ELP1: variants seen among roughly 807,000 people sequenced by gnomAD.
The protein encoded by ELP1 is elongator acetyltransferase complex subunit 1.
Under a neutral mutation model 183.2 loss-of-function variants are expected in ELP1, and 131 were observed. The ratio of observed to expected loss-of-function variants is 0.72; its 90% confidence interval spans 0.62 to 0.83. The LOEUF (loss-of-function observed/expected upper bound fraction) is 0.83, where lower values mean the gene tolerates loss of function less well. ELP1 is among the 40% of genes least tolerant of loss of function. ELP1 has a pLI of 0.00. For missense variants in ELP1, 1,550 were observed against 1,594.9 expected, an observed-to-expected ratio of 0.97 and a Z score of 0.48; for synonymous variants, 555 against 569.0, an observed-to-expected ratio of 0.98 and a Z score of 0.35.
At chr9:108,898,360 C>G in intron 22 of ELP1, 142 bp downstream of exon 22, 1 of 631,246 alleles carries the variant, frequency 1.6e-6, no homozygotes, top group Non-Finnish European at 2.8e-6. Flanking sequence ...GAGCAAAAAA[C>G]CAACTGGCAT....
intron 5 of ELP1, among the ~76,000 whole-genome samples, chr9:108,925,437 C>T (rs539863015): frequency 1.2e-4 from 18 of 152,292 alleles, no homozygotes; most frequent in Admixed American, 1.0e-3. Context: ...GACACATTCA[C>T]TTGCTTGGAC....
rs528729006 is a variant in ELP1 at position 108,902,766 on chromosome 9, C to T, written c.1854+73G>A. The T allele has an allele frequency of 2.3e-5, 26 of 1,132,570 alleles. No homozygotes were observed. In the East Asian group the frequency reaches 4.7e-4, roughly 20 times the overall value. The allele number at this position is 1,132,570 out of a possible 1,614,324, so 70.2% of individuals were successfully genotyped here. On this transcript the variant is annotated intron_variant, in intron 16 of 36. Coordinates refer to ENST00000374647, the MANE Select transcript of ELP1 (RefSeq NM_003640.5). The stretch of plus-strand genomic sequence containing the variant: ...GACCCAAGTCCACCTCCAAAGCCCA[C>T]GCTCTTTCTACTTAATGCCATCAGT...
chr9:108,905,643 G>T (rs771729213), intron 14 of ELP1, among the ~76,000 whole-genome samples: 1 of 152,042 alleles, frequency 6.6e-6, no homozygotes. Flanking sequence ...TTAACGATGG[G>T]GATACGTCTG....
At chr9:108,869,983 T>C (rs547245356) in intron 36 of ELP1, among the ~76,000 whole-genome samples, 1 of 152,182 alleles carries the variant, frequency 6.6e-6, no homozygotes, top group Non-Finnish European at 1.5e-5. Context: ...ACCTTTTTTT[T>C]TTCTTTTTTT....
chr9:108,908,980 G>A (rs958479973), intron 12 of ELP1, among the ~76,000 whole-genome samples: 37 of 152,018 alleles, frequency 2.4e-4, no homozygotes, highest in Non-Finnish European at 7.4e-5. Flanking sequence ...CAGGCACTTC[G>A]GTGGTTGCTT....
At chr9:108,913,682 C>G (rs1829318728) in intron 10 of ELP1, among the ~76,000 whole-genome samples, 1 of 152,114 alleles carries the variant, frequency 6.6e-6, no homozygotes. Flanking sequence ...GAGTCTCACT[C>G]TGTCACCCAT....
intron 6 of ELP1, 59 bp downstream of exon 6, chr9:108,922,783 T>C (rs1212438541): frequency 1.6e-6 from 2 of 1,284,704 alleles, no homozygotes; most frequent in Non-Finnish European, 1.1e-6. Flanking sequence ...GAGTTCCTGG[T>C]GGGTGGCAAA....
Position 108,891,413 on chromosome 9 carries a change from A to G in ELP1, c.2959-9T>C, listed in dbSNP as rs1395219994. ...TAAGCAATGCTGATATCCTGTGACA[A>G]GAGGAGATTTAGGACTGAGGAGGAA... On this transcript the variant is annotated splice_polypyrimidine_tract_variant and intron_variant, in intron 27 of 36. Transcript: ENST00000374647. 1 of 1,612,448 alleles carries G rather than the reference A, an allele frequency of 6.2e-7. No homozygotes were observed. The highest frequency in any genetic ancestry group is 1.3e-5 in the African/African-American group (1 of 74,892).
At chr9:108,894,337 G>A (rs1828459505) in intron 25 of ELP1, among the ~76,000 whole-genome samples, 1 of 152,034 alleles carries the variant, frequency 6.6e-6, no homozygotes, top group South Asian at 2.1e-4. Flanking sequence ...ACAAAATGTT[G>A]GCCCTCTGTA....
At chr9:108,901,738 A>T in intron 16 of ELP1, 57 bp from the exon 17 acceptor site, 1 of 1,502,816 alleles carries the variant, frequency 6.7e-7, no homozygotes, top group Non-Finnish European at 9.3e-7. Flanking sequence ...AGTTAAACCT[A>T]CCTTTTCTAT....
rs751366901 is a variant in ELP1 at position 108,869,074 on chromosome 9, G to A, written c.*41C>T. 1 of 1,558,798 alleles carries A rather than the reference G, an allele frequency of 6.4e-7. No homozygotes were observed. Among genetic ancestry groups the A allele is most frequent in the Non-Finnish European group, 8.9e-7 (1 of 1,129,396 alleles). On this transcript the variant is annotated 3_prime_UTR_variant, in exon 37 of 37. Coordinates refer to ENST00000374647, the MANE Select transcript of ELP1 (RefSeq NM_003640.5). The stretch of plus-strand genomic sequence containing the variant: ...GGTGGTAGGACAACAGGAATGAGTG[G>A]AAATGGTCTTCTCTGTCGGATCCCT...
intron 3 of ELP1, 143 bp from the exon 4 acceptor site, chr9:108,927,596 G>T (rs761662184): frequency 1.4e-6 from 1 of 720,936 alleles, no homozygotes. Context: ...CATGTTTGTT[G>T]CAGCTCTGTT....
At chr9:108,903,385 T>C (rs895733308) in intron 15 of ELP1, among the ~76,000 whole-genome samples, 178 bp downstream of exon 15, 3 of 152,178 alleles carry the variant, frequency 2.0e-5, no homozygotes, top group Admixed American at 6.5e-5. Context: ...CGTTAGTTCA[T>C]TAAAAGAGGA....
intron 10 of ELP1, among the ~76,000 whole-genome samples, chr9:108,915,552 G>T (rs1453741437): frequency 6.6e-6 from 1 of 152,124 alleles, no homozygotes; most frequent in Non-Finnish European, 1.5e-5. Flanking sequence ...ATTCTTACCT[G>T]AATTTCCAGC....
In ELP1 at chr9:108,895,298, G is replaced by A. The variant is rs535537392; in HGVS notation, c.2736+1198C>T. 7.0e-4 allele frequency among the ~76,000 whole-genome samples: 106 copies of A among 152,268 alleles called. 3 individuals carry two copies. The South Asian group carries it at 0.021, about 31-fold the overall frequency. On this transcript the variant is annotated intron_variant, in intron 25 of 36. Transcript: ENST00000374647. ...TAGTCTGCAGGGGTAGGCACTGTGTGCAACAGAAGCATATAGGAGGGTCAC... is the reference window on the plus strand; with the variant it reads ...TAGTCTGCAGGGGTAGGCACTGTGTACAACAGAAGCATATAGGAGGGTCAC...
Position 108,918,910 on chromosome 9 carries a change from G to C in ELP1, c.650-9C>G, listed in dbSNP as rs763661518. 7 of 1,609,336 alleles carry C rather than the reference G, an allele frequency of 4.3e-6. No individual in the cohort carries two copies. The highest frequency in any genetic ancestry group is 6.0e-6 in the Non-Finnish European group (7 of 1,175,626). On this transcript the variant is annotated splice_polypyrimidine_tract_variant and intron_variant, in intron 7 of 36. Transcript: ENST00000374647. ...TCTGACCTTCCGAGCCCCTGTGCGG[G>C]AGTGGAGTCAAACACACATACACAC...
chr9:108,912,509 G>A lies in ELP1; in HGVS notation c.959-15C>T, dbSNP rs112114410. ...CCAGAGCTGAACTGCAAGGGAAAAT[G>A]AAAAGAAGGCCGTTAGAGGCTGGGA... On this transcript the variant is annotated splice_polypyrimidine_tract_variant and intron_variant, in intron 10 of 36. Transcript: ENST00000374647. 0.022 allele frequency: 34,585 copies of A among 1,585,850 alleles called. 454 individuals carry two copies. The highest frequency in any genetic ancestry group is 0.025 in the Non-Finnish European group (29,311 of 1,154,582).
At chr9:108,910,225 T>TA (rs1829162622) in intron 12 of ELP1, among the ~76,000 whole-genome samples, 1 of 152,202 alleles carries the variant, frequency 6.6e-6, no homozygotes, top group Admixed American at 6.5e-5. Flanking sequence ...ACTGAAACTA[T>TA]AATCAGAGAA....
intron 12 of ELP1, among the ~76,000 whole-genome samples, chr9:108,909,434 T>C (rs1241920484): frequency 6.6e-6 from 1 of 152,156 alleles, no homozygotes; most frequent in African/African-American, 2.4e-5. Flanking sequence ...TTTGAAAACT[T>C]TGGCAACGAA....
Sources: allele counts gnomAD v4.1 joint callset (sites outside exome capture counted in the v4.1 genomes callset), GRCh38; gene constraint gnomAD v4.1.1; transcripts MANE v1.5; gene names NCBI Gene and HGNC (gene_info 2026-07-23, HGNC 2026-07-21).